Variants in ECE1 observed in about 807,000 individuals in gnomAD.
The protein encoded by ECE1 is endothelin converting enzyme 1.
ECE1 carries 35 observed loss-of-function variants against 98.6 expected under a neutral mutation model. That is an observed-to-expected ratio of 0.35 (90% CI 0.27 to 0.47). ECE1 has a LOEUF of 0.47. Ranked by LOEUF, ECE1 falls within the 20% of genes least tolerant of loss-of-function variation. The pLI is 1.00. For synonymous variants in ECE1, 394 were observed against 407.1 expected (o/e 0.97, Z 0.39); for missense variants, 814 against 1,025.3 (o/e 0.79, Z 2.81).
chr1:21,256,878 G>A (rs184843171), intron 7 of ECE1, among the ~76,000 whole-genome samples: 2 of 152,262 alleles, frequency 1.3e-5, no homozygotes, highest in Admixed American at 6.5e-5. Context: ...CCTGTGGGAC[G>A]AAGGCTATGG....
chr1:21,311,625 G>A (rs1027752280), intron 1 of ECE1, among the ~76,000 whole-genome samples: 1 of 151,678 alleles, frequency 6.6e-6, no homozygotes, highest in Admixed American at 6.6e-5. Context: ...GATCAGCCTG[G>A]GCAACATTGT....
rs1408507319 is a variant in ECE1, at chr1:21,241,714, C to G, written c.1278+3275G>C. Among the ~76,000 whole-genome samples, 2 of 152,272 alleles carry G rather than the reference C, an allele frequency of 1.3e-5. 1 individual carries two copies. The highest frequency in any genetic ancestry group is 4.1e-4 in the South Asian group (2 of 4,824). On this transcript the variant is annotated intron_variant, in intron 10 of 18. Coordinates refer to ENST00000374893, the MANE Select transcript of ECE1 (RefSeq NM_001397.3). ...TGCTGGGATTACAGGCATGAGCCAC[C>G]GCACCCGGCCTGAGGTGGAATTTGA...
rs2098164919 is a variant in ECE1, at chr1:21,219,697, G to A, written c.*258C>T. The A allele has an allele frequency of 5.5e-6, 3 of 543,096 alleles. No homozygotes were observed. Among genetic ancestry groups the A allele is most frequent in the Admixed American group, 3.0e-5 (1 of 32,794 alleles). 33.6% of individuals were successfully genotyped at this position (543,096 alleles called of 1,614,324 possible). On this transcript the variant is annotated 3_prime_UTR_variant, in exon 19 of 19. Coordinates refer to ENST00000374893, the MANE Select transcript of ECE1 (RefSeq NM_001397.3). The surrounding 1 kb of genome is among the most constrained non-coding windows in gnomAD (Gnocchi z 4.5). Reference sequence around the variant, plus strand: ...TGTCAGTGTGGGGCCCAGGCCTGATGAGCCACCAGCCCAGCACCCGAATGC... The same window carrying A: ...TGTCAGTGTGGGGCCCAGGCCTGATAAGCCACCAGCCCAGCACCCGAATGC...
intron 4 of ECE1, among the ~76,000 whole-genome samples, chr1:21,270,340 T>C (rs1455979666): frequency 6.6e-6 from 1 of 152,240 alleles, no homozygotes; most frequent in African/African-American, 2.4e-5. Flanking sequence ...CATCCGTGTC[T>C]CTCCTTCCTT....
chr1:21,240,280 A>C lies in ECE1; in HGVS notation c.1279-2036T>G, dbSNP rs2098194389. Among the ~76,000 whole-genome samples, 3 of 152,166 alleles carry C rather than the reference A, an allele frequency of 2.0e-5. No homozygotes were observed. In the South Asian group the frequency reaches 6.2e-4, roughly 32 times the overall value. On this transcript the variant is annotated intron_variant, in intron 10 of 18. Transcript: ENST00000374893. ...GGTGGGTGGATCCCCTGAGGTCAGG[A>C]GTTCGAGACCACCCTGGCCAACACG...
At chr1:21,321,847 C>A (rs1385048146) in intron 1 of ECE1, among the ~76,000 whole-genome samples, 2 of 152,198 alleles carry the variant, frequency 1.3e-5, no homozygotes, top group Admixed American at 1.3e-4. Flanking sequence ...AACTCCTGAC[C>A]TCAAGTGATC....
In ECE1 at chr1:21,258,871, T is replaced by C. The variant is rs1182890799; in HGVS notation, c.616-32A>G. On this transcript the variant is annotated intron_variant, in intron 5 of 18. Coordinates refer to ENST00000374893, the MANE Select transcript of ECE1 (RefSeq NM_001397.3). The surrounding 1 kb of genome is among the most constrained non-coding windows in gnomAD (Gnocchi z 4.2). ...GGAGGGAGAGCAGGCAGGGAGGTGA[T>C]GAGGTGGCGGGGAGACCCAGATGTG... 3 of 1,613,322 alleles carry C rather than the reference T, an allele frequency of 1.9e-6. No individual in the cohort carries two copies. Among genetic ancestry groups the C allele is most frequent in the East Asian group, 4.5e-5 (2 of 44,856 alleles).
At chr1:21,236,078 TC>T in intron 12 of ECE1, 151 bp from the exon 13 acceptor site, 1 of 777,132 alleles carries the variant, frequency 1.3e-6, no homozygotes, top group East Asian at 2.5e-5. Context: ...TGGAAAGGTT[TC>T]CCCCTTGCAA....
intron 10 of ECE1, among the ~76,000 whole-genome samples, chr1:21,241,570 G>A (rs1243370145): frequency 1.3e-5 from 2 of 152,014 alleles, no homozygotes; most frequent in African/African-American, 4.8e-5. Context: ...TTACAGGTGT[G>A]TGTCACTACA....
At chr1:21,299,090 G>A (rs1638431459) in intron 1 of ECE1, 1 of 339,870 alleles carries the variant, frequency 2.9e-6, no homozygotes, top group African/African-American at 2.1e-5. Flanking sequence ...TACAACTTAA[G>A]ACAAAGTTAA....
At chr1:21,239,696 G>A (rs2098193482) in intron 10 of ECE1, among the ~76,000 whole-genome samples, 2 of 152,176 alleles carry the variant, frequency 1.3e-5, no homozygotes, top group African/African-American at 4.8e-5. Flanking sequence ...AAAGGGGCAT[G>A]AGGGTACCTG....
chr1:21,257,962 G>T (rs181435536), intron 6 of ECE1, among the ~76,000 whole-genome samples: 15 of 152,318 alleles, frequency 9.8e-5, no homozygotes, highest in Non-Finnish European at 1.9e-4. Context: ...TGATTCTCAG[G>T]TTTCTTCTCA....
At chr1:21,275,123 G>C (rs180687353) in intron 3 of ECE1, among the ~76,000 whole-genome samples, 1 of 152,218 alleles carries the variant, frequency 6.6e-6, no homozygotes, top group Non-Finnish European at 1.5e-5. Context: ...ATCTTGGCTG[G>C]TGGAGATGCC....
intron 1 of ECE1, among the ~76,000 whole-genome samples, chr1:21,342,478 G>A (rs111535538): frequency 3.9e-5 from 6 of 152,230 alleles, no homozygotes; most frequent in African/African-American, 1.2e-4. Flanking sequence ...CGGTCCATCC[G>A]AGGCCCTTAA....
At chr1:21,264,713 G>A (rs1460717738) in intron 4 of ECE1, among the ~76,000 whole-genome samples, 2 of 152,176 alleles carry the variant, frequency 1.3e-5, no homozygotes, top group Non-Finnish European at 2.9e-5. Flanking sequence ...AGCATCTCAC[G>A]CTTTTTACTC....
intron 1 of ECE1, among the ~76,000 whole-genome samples, chr1:21,295,640 C>T (rs1638334911): frequency 6.6e-6 from 1 of 152,208 alleles, no homozygotes; most frequent in South Asian, 2.1e-4. Context: ...CAGAAACTCG[C>T]CTATGGGCAC....
chr1:21,221,975 G>C (rs561935230), intron 17 of ECE1, 133 bp from the exon 18 acceptor site: 1 of 793,302 alleles, frequency 1.3e-6, no homozygotes, highest in East Asian at 2.5e-5. Flanking sequence ...CCTGGGCTCA[G>C]CCTAGGGGAG....
At chr1:21,242,339 T>C (rs931576552) in intron 10 of ECE1, among the ~76,000 whole-genome samples, 1 of 152,168 alleles carries the variant, frequency 6.6e-6, no homozygotes, top group Non-Finnish European at 1.5e-5. Flanking sequence ...CACACCACAC[T>C]GCTTCCCATG....
intron 1 of ECE1, among the ~76,000 whole-genome samples, chr1:21,313,706 G>A (rs1638775131): frequency 6.6e-6 from 1 of 152,194 alleles, no homozygotes; most frequent in Non-Finnish European, 1.5e-5. Flanking sequence ...GTGACCCTGG[G>A]TGAGTTGCCT....
Sources: gnomAD v4.1 joint callset for allele counts (sites outside exome capture counted in the v4.1 genomes callset) on GRCh38, gnomAD v4.1.1 for gene constraint, Gnocchi (gnomAD v3.1) non-coding constraint, MANE v1.5 for transcripts, NCBI Gene and HGNC (gene_info 2026-07-23, HGNC 2026-07-21) for gene names.